Variants in ARHGEF17 observed in about 807,000 individuals in gnomAD.
ARHGEF17 encodes 164 kDa Rho-specific guanine-nucleotide exchange factor.
ARHGEF17 carries 80 observed loss-of-function variants against 174.0 expected under a neutral mutation model. That is an observed-to-expected ratio of 0.46 (90% confidence interval 0.38 to 0.55). ARHGEF17 has a LOEUF of 0.55. ARHGEF17 is among the 20% of genes least tolerant of loss of function. The pLI is 0.00. For missense variants in ARHGEF17, 2,886 were observed against 2,839.7 expected (o/e 1.02, Z -0.37); for synonymous variants, 1,311 against 1,189.1 (o/e 1.10, Z -2.11).
At chr11:73,353,389 C>A (rs1189679327) in intron 3 of ARHGEF17, 6 of 250,474 alleles carry the variant, frequency 2.4e-5, no homozygotes, top group African/African-American at 4.4e-5. Context: ...TTTACTGGAA[C>A]CAAAATAACT....
At chr11:73,324,626 A>G (rs995289386) in intron 1 of ARHGEF17, among the ~76,000 whole-genome samples, 7 of 152,212 alleles carry the variant, frequency 4.6e-5, no homozygotes, top group Non-Finnish European at 1.0e-4. Flanking sequence ...TCAAACCAGG[A>G]TAGTCTCACT....
chr11:73,335,857 G>A (rs1865279015), intron 1 of ARHGEF17, among the ~76,000 whole-genome samples: 1 of 152,216 alleles, frequency 6.6e-6, no homozygotes, highest in Admixed American at 6.5e-5. Context: ...TACAGAGGGG[G>A]AAACTGAATC....
chr11:73,333,389 C>T (rs947663165), intron 1 of ARHGEF17, among the ~76,000 whole-genome samples: 3 of 152,242 alleles, frequency 2.0e-5, no homozygotes, highest in African/African-American at 4.8e-5. Flanking sequence ...CGCACTCACA[C>T]GTAACTATCG....
chr11:73,365,862 C>T lies in ARHGEF17; in HGVS notation c.5910C>T (p.Thr1970=), dbSNP rs565597199. 29 of 1,612,060 alleles carry T rather than the reference C, an allele frequency of 1.8e-5. No homozygotes were observed. The highest frequency in any genetic ancestry group is 4.4e-5 in the South Asian group (4 of 91,090). The change falls in exon 20 of 21, where the codon ACC becomes ACT. Residue 1970 remains threonine (T), a synonymous_variant. Transcript: ENST00000263674. This position sits in a 1 kb window ranked among gnomAD's most constrained non-coding sequence, Gnocchi z 4.9. ...LSPTGLGQGH[T]GHVRFLAAVQ... ...CCACAGGCCTCGGCCAGGGACACAC[C>T]GGCCACGTCCGCTTCTTGGCTGCAG... is the stretch of plus-strand genomic sequence containing the variant.
intron 1 of ARHGEF17, among the ~76,000 whole-genome samples, chr11:73,345,194 CAA>C (rs748674025): frequency 1.3e-5 from 2 of 152,130 alleles, no homozygotes; most frequent in Non-Finnish European, 2.9e-5. Context: ...TTAGAGGTCA[CAA>C]GAGTACCGAG....
Position 73,363,350 on chromosome 11 carries a change from G to A in ARHGEF17, c.5141G>A (p.Arg1714His), listed in dbSNP as rs780878282. 36 of 1,612,690 alleles carry A rather than the reference G, an allele frequency of 2.2e-5. 1 individual carries two copies. In the South Asian group the frequency reaches 2.7e-4, roughly 12 times the overall value. ...AGCCCAATGGATGGGAGAGCCCTTCGCCGCTCCAGCCACGGCTCCTTCACC... is the reference window on the plus strand; with the variant it reads ...AGCCCAATGGATGGGAGAGCCCTTCACCGCTCCAGCCACGGCTCCTTCACC... ...GTSPMDGRALRRSSHGSFTRG... is the reference protein window; with the variant it reads ...GTSPMDGRALHRSSHGSFTRG... The change falls in exon 15 of 21, where the codon CGC (arginine) becomes CAC (histidine). Residue 1714 changes from arginine to histidine, a missense_variant. Physicochemically the swap from Arg to His is conservative, Grantham distance 29. Coordinates refer to ENST00000263674, the MANE Select transcript of ARHGEF17 (RefSeq NM_014786.4).
rs1591754283 is a variant in ARHGEF17 at position 73,353,142 on chromosome 11, C to T, written c.3453+130C>T. On this transcript the variant is annotated intron_variant, in intron 3 of 20. Transcript: ENST00000263674. ...TCTGTTTCCAGATCTGACCATAGAA[C>T]TTGGCTAGACATTGGTACTTACCCC... 4.1e-6 allele frequency: 5 copies of T among 1,230,164 alleles called. No individual in the cohort carries two copies. The East Asian group carries it at 1.3e-4, about 32-fold the overall frequency. The allele number at this position is 1,230,164 out of a possible 1,614,324, so 76.2% of individuals were successfully genotyped here. A position where few individuals can be genotyped will look rare whatever the true frequency, so the allele number is the denominator to read the frequency against.
chr11:73,343,343 C>G (rs1374444479), intron 1 of ARHGEF17: 1 of 393,184 alleles, frequency 2.5e-6, no homozygotes, highest in East Asian at 3.6e-5. Context: ...GACCCAGGAG[C>G]CAACCCAGGA....
At chr11:73,347,080 C>A in intron 2 of ARHGEF17, 120 bp downstream of exon 2, 2 of 977,530 alleles carry the variant, frequency 2.0e-6, no homozygotes, top group Non-Finnish European at 3.2e-6. Context: ...GTGTCCCTGG[C>A]ATCCGTCGCC....
chr11:73,319,812 G>A (rs539092491), intron 1 of ARHGEF17, among the ~76,000 whole-genome samples: 62 of 152,306 alleles, frequency 4.1e-4, no homozygotes, highest in African/African-American at 1.4e-3. Flanking sequence ...AGGTGGGTGA[G>A]GTCCAGAGGC....
rs1864845970 is a variant in ARHGEF17, at chr11:73,311,946, T to C, written c.3192+116T>C. The C allele has an allele frequency of 4.1e-6, 5 of 1,232,524 alleles. No homozygotes were observed. In the East Asian group the frequency reaches 1.3e-4, roughly 32 times the overall value. The allele number at this position is 1,232,524 out of a possible 1,614,324, so 76.3% of individuals were successfully genotyped here. A position where few individuals can be genotyped will look rare whatever the true frequency, so the allele number is the denominator to read the frequency against. On this transcript the variant is annotated intron_variant, in intron 1 of 20. Coordinates refer to ENST00000263674, the MANE Select transcript of ARHGEF17 (RefSeq NM_014786.4). ...TCAGGTGCCCAGGTGCCAAGGGTGCTTTTCTGGTCCTGGAAGTGCCTGTGC... is the reference window on the plus strand; with the variant it reads ...TCAGGTGCCCAGGTGCCAAGGGTGCCTTTCTGGTCCTGGAAGTGCCTGTGC...
At position 73,356,001 on chromosome 11, in the gene ARHGEF17, G is replaced by A. The variant is rs770474135; in HGVS notation, c.3663+48G>A. 25 of 1,609,836 alleles carry A rather than the reference G, an allele frequency of 1.6e-5. No homozygotes were observed. In the African/African-American group the frequency reaches 3.2e-4, roughly 21 times the overall value. On this transcript the variant is annotated intron_variant, in intron 5 of 20. Coordinates refer to ENST00000263674, the MANE Select transcript of ARHGEF17 (RefSeq NM_014786.4). ...AAGTGGGCAAGGCCTGGAAGCATGG[G>A]GGGATACAAGGAGGTCTAAGGCCCC...
intron 1 of ARHGEF17, among the ~76,000 whole-genome samples, chr11:73,343,657 C>T (rs1238167073): frequency 6.6e-6 from 1 of 152,174 alleles, no homozygotes; most frequent in African/African-American, 2.4e-5. Flanking sequence ...CTGCCATCCT[C>T]TCCCTGCCGC....
rs1476119672 is a variant in ARHGEF17, at chr11:73,309,594, A to T, written c.956A>T (p.Asn319Ile). 5 of 1,612,738 alleles carry T rather than the reference A, an allele frequency of 3.1e-6. No individual in the cohort carries two copies. Among genetic ancestry groups the T allele is most frequent in the Non-Finnish European group, 4.2e-6 (5 of 1,179,906 alleles). Residue 319 changes from asparagine (N) to isoleucine (I), a missense_variant, in exon 1 of 21, where the codon AAC becomes ATC. By Grantham distance (149) the Asn-to-Ile change is moderately radical. This residue lies in a region of ARHGEF17 where 1,728 missense variants were observed against 1,461.2 expected (regional missense o/e 1.18). Transcript: ENST00000263674. ...DSDGLNLSSM[N>I]SAGVSGSPEP... ...GATGGGTTAAATCTAAGCAGCATGA[A>T]CTCAGCAGGGGTTTCTGGGAGCCCT...
At chr11:73,315,466 C>A (rs1161459054) in intron 1 of ARHGEF17, among the ~76,000 whole-genome samples, 1 of 152,184 alleles carries the variant, frequency 6.6e-6, no homozygotes, top group African/African-American at 2.4e-5. Context: ...TTCTAGTCAC[C>A]CTTCTTTCTC....
rs1292782253 is a variant in ARHGEF17 at position 73,310,370 on chromosome 11, G to A, written c.1732G>A (p.Ala578Thr). 2 of 1,613,870 alleles carry A rather than the reference G, an allele frequency of 1.2e-6. No homozygotes were observed. Among genetic ancestry groups the A allele is most frequent in the Non-Finnish European group, 1.7e-6 (2 of 1,180,012 alleles). The change falls in exon 1 of 21, where the codon GCC (alanine) becomes ACC (threonine). Residue 578 changes from alanine to threonine, a missense_variant. Coordinates refer to ENST00000263674, the MANE Select transcript of ARHGEF17 (RefSeq NM_014786.4). ...SSELLLTGPGAEEDPLPLIVQ... is the reference protein window; with the variant it reads ...SSELLLTGPGTEEDPLPLIVQ... ...CGAGCTCCTGCTCACAGGCCCTGGT[G>A]CCGAGGAGGATCCGCTGCCCCTCAT...
chr11:73,323,080 C>G (rs1270853181), intron 1 of ARHGEF17, among the ~76,000 whole-genome samples: 4 of 152,090 alleles, frequency 2.6e-5, no homozygotes, highest in Non-Finnish European at 5.9e-5. Context: ...TGCCTCTGTG[C>G]CCAGCAAGCC....
intron 7 of ARHGEF17, 56 bp from the exon 8 acceptor site, chr11:73,356,969 G>A: frequency 6.3e-7 from 1 of 1,580,350 alleles, no homozygotes; most frequent in Non-Finnish European, 8.7e-7. Context: ...TATGGGCAGG[G>A]GGGTGGGCTT....
intron 1 of ARHGEF17, among the ~76,000 whole-genome samples, chr11:73,313,073 C>A (rs550204097): frequency 1.3e-5 from 2 of 152,288 alleles, no homozygotes; most frequent in South Asian, 4.1e-4. Context: ...AATTATAAAC[C>A]CTGGACTGAT....
Sources: allele counts gnomAD v4.1 joint callset (sites outside exome capture counted in the v4.1 genomes callset), GRCh38; gene constraint gnomAD v4.1.1; regional missense constraint gnomAD v4.1.1; non-coding constraint Gnocchi (gnomAD v3.1); transcripts MANE v1.5; gene names NCBI Gene and HGNC (gene_info 2026-07-23, HGNC 2026-07-21).